Variants in CELSR3 observed in about 807,000 individuals in gnomAD.
The protein encoded by CELSR3 is EGF-like protein 1.
A neutral mutation model predicts 270.0 loss-of-function variants in CELSR3; 73 were observed. The ratio of observed to expected loss-of-function variants is 0.27; its 90% CI spans 0.22 to 0.33. The LOEUF (loss-of-function observed/expected upper bound fraction) is 0.33. Among genes scored for constraint, CELSR3 ranks in the 10% least tolerant of loss-of-function variants. CELSR3 has a pLI of 1.00. For missense variants in CELSR3, 3,614 were observed against 4,533.8 expected (o/e 0.80, Z 5.83); for synonymous variants, 1,780 against 1,905.4 (o/e 0.93, Z 1.71).
Position 48,651,815 on chromosome 3 carries a change from C to T in CELSR3, c.5923+62G>A. ...CCCTGCCTCCTTCAGGTTCCCCAGT[C>T]TTCATCATGGGCCCCTAACGCCTGC... On this transcript the variant is annotated intron_variant, in intron 12 of 34. Coordinates refer to ENST00000164024, the MANE Select transcript of CELSR3 (RefSeq NM_001407.3). This position sits in a 1 kb window ranked among gnomAD's most constrained non-coding sequence, Gnocchi z 7.4. 1 of 1,551,802 alleles carries T rather than the reference C, an allele frequency of 6.4e-7. No homozygotes were observed. The highest frequency in any genetic ancestry group is 2.3e-5 in the East Asian group (1 of 44,414).
rs2047148617 is a variant in CELSR3 at position 48,652,764 on chromosome 3, C to T, written c.5635-211G>A. 6.6e-6 allele frequency among the ~76,000 whole-genome samples: 1 copy of T among 152,212 alleles called. No homozygotes were observed. Among genetic ancestry groups the T allele is most frequent in the Admixed American group, 6.5e-5 (1 of 15,280 alleles). ...GGGCTTCTAGGAATCAGGCAAAGTG[C>T]TGGCTACAGAGGTTCCCCAAGACCA... On this transcript the variant is annotated intron_variant, in intron 10 of 34. Coordinates refer to ENST00000164024, the MANE Select transcript of CELSR3 (RefSeq NM_001407.3). The surrounding 1 kb of genome is among the most constrained non-coding windows in gnomAD (Gnocchi z 4.3).
Position 48,659,394 on chromosome 3 carries a change from T to G in CELSR3, c.3241A>C (p.Ile1081Leu). 6.2e-7 allele frequency: 1 copy of G among 1,614,138 alleles called. No homozygotes were observed. Among genetic ancestry groups the G allele is most frequent in the Non-Finnish European group, 8.5e-7 (1 of 1,180,028 alleles). Residue 1081 changes from isoleucine (I) to leucine (L), a missense_variant, in exon 1 of 35, where the codon ATT (isoleucine) becomes CTT (leucine). By Grantham distance (5) the Ile-to-Leu change is conservative (BLOSUM62 2). Around this residue, in one of 7 missense-constraint regions of CELSR3, gnomAD observed 1,331 missense variants for 1,933.7 expected, o/e 0.69. Transcript: ENST00000164024. The surrounding 1 kb of genome is among the most constrained non-coding windows in gnomAD (Gnocchi z 8.1). ...ATCTGGGCCACCACTGAGCCCACAA[T>G]GCTATTCTCTTTCACCCGCACCTCA... ...EFEVRVKENS[I>L]VGSVVAQITA...
chr3:48,644,082 G>T lies in CELSR3; in HGVS notation c.8165+134C>A. 1 of 698,734 alleles carries T rather than the reference G, an allele frequency of 1.4e-6. No homozygotes were observed. 43.3% of individuals were successfully genotyped at this position (698,734 alleles called of 1,614,324 possible). ...GCGCCAGAGAGGGACCACAGGTCAG[G>T]GCAGGTGTGACTTCATTCCTTCATC... On this transcript the variant is annotated intron_variant, in intron 27 of 34. Coordinates refer to ENST00000164024, the MANE Select transcript of CELSR3 (RefSeq NM_001407.3). This position sits in a 1 kb window ranked among gnomAD's most constrained non-coding sequence, Gnocchi z 4.8.
At position 48,646,900 on chromosome 3, in the gene CELSR3, G is replaced by C. The variant is rs767283633; in HGVS notation, c.7158C>G (p.Asn2386Lys). The C allele has an allele frequency of 6.4e-7, 1 of 1,564,202 alleles. No homozygotes were observed. The highest frequency in any genetic ancestry group is 8.6e-7 in the Non-Finnish European group (1 of 1,160,446). Residue 2386 changes from asparagine to lysine, a missense_variant, in exon 21 of 35, where the codon AAC becomes AAG. This residue lies in a region of CELSR3 where 1,240 missense variants were observed against 1,351.7 expected (regional missense o/e 0.92). Coordinates refer to ENST00000164024, the MANE Select transcript of CELSR3 (RefSeq NM_001407.3). This position sits in a 1 kb window ranked among gnomAD's most constrained non-coding sequence, Gnocchi z 4.8. ...EVLPTSSSIE[N>K]STTSSVVPPP... ...GGGGGACCACACTTGAGGTGGTGGA[G>C]TTTTCTATGCTGCTGCTTGTGGGCA...
rs373619977 is a variant in CELSR3, at chr3:48,646,040, G to T, written c.7463+50C>A. 6.3e-7 allele frequency: 1 copy of T among 1,599,824 alleles called. No individual in the cohort carries two copies. Among genetic ancestry groups the T allele is most frequent in the East Asian group, 2.2e-5 (1 of 44,600 alleles). On this transcript the variant is annotated intron_variant, in intron 22 of 34. Transcript: ENST00000164024. The surrounding 1 kb of genome is among the most constrained non-coding windows in gnomAD (Gnocchi z 4.8). The stretch of plus-strand genomic sequence containing the variant: ...AGGGGAAGGCTGGGACTATTAGTTG[G>T]CCTCCCAAGGGCTAACGGGACCAAG...
Position 48,652,691 on chromosome 3 carries a change from G to C in CELSR3, c.5635-138C>G, listed in dbSNP as rs1204994980. 1 of 664,306 alleles carries C rather than the reference G, an allele frequency of 1.5e-6. No homozygotes were observed. Among genetic ancestry groups the C allele is most frequent in the African/African-American group, 1.8e-5 (1 of 54,952 alleles). The allele number at this position is 664,306 out of a possible 1,614,324, so 41.2% of individuals were successfully genotyped here. On this transcript the variant is annotated intron_variant, in intron 10 of 34. Coordinates refer to ENST00000164024, the MANE Select transcript of CELSR3 (RefSeq NM_001407.3). The surrounding 1 kb of genome is among the most constrained non-coding windows in gnomAD (Gnocchi z 4.3). ...TGGACCCACAGTAGACCTTAATATT[G>C]CTTGATTTTGACCGGGGGTGGGTAG...
chr3:48,641,257 C>G lies in CELSR3; in HGVS notation c.9025+67G>C. ...CAGTTTGGGATGAGGAAGCTGCAAT[C>G]CCTTGGCTCAGGGCATGAGCAGCCC... On this transcript the variant is annotated intron_variant, in intron 33 of 34. Coordinates refer to ENST00000164024, the MANE Select transcript of CELSR3 (RefSeq NM_001407.3). This position sits in a 1 kb window ranked among gnomAD's most constrained non-coding sequence, Gnocchi z 4.8. 4 of 1,064,252 alleles carry G rather than the reference C, an allele frequency of 3.8e-6. No individual in the cohort carries two copies. Among genetic ancestry groups the G allele is most frequent in the Non-Finnish European group, 5.8e-6 (4 of 693,724 alleles). The allele number at this position is 1,064,252 out of a possible 1,614,324, so 65.9% of individuals were successfully genotyped here.
Position 48,648,735 on chromosome 3 carries a change from T to C in CELSR3, c.6761A>G (p.Asp2254Gly). 6.2e-7 allele frequency: 1 copy of C among 1,611,964 alleles called. No homozygotes were observed. The highest frequency in any genetic ancestry group is 8.5e-7 in the Non-Finnish European group (1 of 1,179,916). ...QQGFGLTATQ[D>G]AHFNENLLWA... The stretch of plus-strand genomic sequence containing the variant: ...CAGCCCCACCTCATTGAAGTGGGCA[T>C]CCTGTGTGGCTGTCAGCCCGAAGCC... The change falls in exon 18 of 35, where the codon GAT becomes GGT. Residue 2254 changes from aspartate (D) to glycine (G), a missense_variant. By Grantham distance (94) the Asp-to-Gly change is moderately conservative. Around this residue, in one of 7 missense-constraint regions of CELSR3, gnomAD observed 1,331 missense variants for 1,933.7 expected, o/e 0.69. Transcript: ENST00000164024.
At position 48,654,104 on chromosome 3, in the gene CELSR3, C is replaced by T; in HGVS notation, c.5153-101G>A. 14 of 1,534,230 alleles carry T rather than the reference C, an allele frequency of 9.1e-6. No homozygotes were observed. Among genetic ancestry groups the T allele is most frequent in the Non-Finnish European group, 1.2e-5 (14 of 1,132,328 alleles). The stretch of plus-strand genomic sequence containing the variant: ...CAGAGGGGCTGAAAGAGACCAAGAT[C>T]TCAGCCCCATTTCCCATTTTCTTTC... On this transcript the variant is annotated intron_variant, in intron 7 of 34. Coordinates refer to ENST00000164024, the MANE Select transcript of CELSR3 (RefSeq NM_001407.3). The surrounding 1 kb of genome is among the most constrained non-coding windows in gnomAD (Gnocchi z 5.4).
In CELSR3 at chr3:48,662,562, AGAG is replaced by A. The variant is rs1304592734; in HGVS notation, c.70_72del (p.Leu24del). 45 of 1,577,788 alleles carry A rather than the reference AGAG, an allele frequency of 2.9e-5. No individual in the cohort carries two copies. Among genetic ancestry groups the A allele is most frequent in the Non-Finnish European group, 3.5e-5 (41 of 1,162,316 alleles). ...TCCTCCTGGCTGAGGGGGAACAAAG[AGAG>A]GAGAAGGAGCAGGAGTATGGGGGTC... On this transcript the variant is annotated inframe_deletion, in exon 1 of 35. Transcript: ENST00000164024. The surrounding 1 kb of genome is among the most constrained non-coding windows in gnomAD (Gnocchi z 7.1).
intron 19 of CELSR3, 86 bp downstream of exon 19, chr3:48,648,180 T>G: frequency 6.8e-7 from 1 of 1,477,466 alleles, no homozygotes; most frequent in Non-Finnish European, 9.2e-7. Flanking sequence ...ACATTGGCAT[T>G]GATAGCCACA....
At chr3:48,647,728 G>A (rs1294287780) in intron 20 of CELSR3, 113 bp downstream of exon 20, 5 of 1,010,838 alleles carry the variant, frequency 4.9e-6, no homozygotes, top group Non-Finnish European at 7.4e-6. Flanking sequence ...ATGTGGGAGG[G>A]TCTGACACTG....
In CELSR3 at chr3:48,644,584, G is replaced by T; in HGVS notation, c.8085+132C>A. 1 of 736,920 alleles carries T rather than the reference G, an allele frequency of 1.4e-6. No individual in the cohort carries two copies. Among genetic ancestry groups the T allele is most frequent in the Non-Finnish European group, 2.3e-6 (1 of 436,230 alleles). The allele number at this position is 736,920 out of a possible 1,614,324, so 45.6% of individuals were successfully genotyped here. On this transcript the variant is annotated intron_variant, in intron 26 of 34. Transcript: ENST00000164024. The surrounding 1 kb of genome is among the most constrained non-coding windows in gnomAD (Gnocchi z 4.8). ...GAATGGGGGTGGCTACTGACCAGAG[G>T]ACAGAAAAAATGAAGGCCGAGCCCA...
In CELSR3 at chr3:48,638,407, C is replaced by T. The variant is rs369088190; in HGVS notation, c.9912-175G>A. On this transcript the variant is annotated intron_variant, in intron 34 of 34. Transcript: ENST00000164024. Reference sequence around the variant, plus strand: ...AGGGTTCTCAGAGTCCTCCATTCCGCGCCCCTAGACTCAGCCAGGCTCCTT... The same window carrying T: ...AGGGTTCTCAGAGTCCTCCATTCCGTGCCCCTAGACTCAGCCAGGCTCCTT... Among the ~76,000 whole-genome samples the T allele has an allele frequency of 4.3e-4, 66 of 152,248 alleles. No individual in the cohort carries two copies. The South Asian group carries it at 9.7e-3, about 22-fold the overall frequency.
Position 48,657,017 on chromosome 3 carries a change from C to A in CELSR3, c.4080G>T (p.Arg1360=), listed in dbSNP as rs372407892. Residue 1360 remains arginine, a synonymous_variant, in exon 2 of 35, where the codon CGG becomes CGT. Coordinates refer to ENST00000164024, the MANE Select transcript of CELSR3 (RefSeq NM_001407.3). The surrounding 1 kb of genome is among the most constrained non-coding windows in gnomAD (Gnocchi z 5.4). ...EELQEQLYVR[R]AALAARSLLD... Reference sequence around the variant, plus strand: ...GCAGGGAGCGAGCCGCCAGCGCCGCCCGGCGCACGTACAACTGCTCCTGCA... The same window carrying A: ...GCAGGGAGCGAGCCGCCAGCGCCGCACGGCGCACGTACAACTGCTCCTGCA... 22 of 1,613,334 alleles carry A rather than the reference C, an allele frequency of 1.4e-5. No individual in the cohort carries two copies. The highest frequency in any genetic ancestry group is 1.8e-5 in the Non-Finnish European group (21 of 1,179,756).
chr3:48,660,631 G>C lies in CELSR3; in HGVS notation c.2004C>G (p.His668Gln). ...CGACTGCCTGAATGTGGATGACTGAGTGACCCAAGGGAGCATTTTCCAAGA... is the reference window on the plus strand; with the variant it reads ...CGACTGCCTGAATGTGGATGACTGACTGACCCAAGGGAGCATTTTCCAAGA... ...VSVLENAPLG[H>Q]SVIHIQAVDA... The change falls in exon 1 of 35, where the codon CAC becomes CAG. Residue 668 changes from histidine (H) to glutamine (Q), a missense_variant. Physicochemically the swap from His to Gln is conservative, Grantham distance 24. This residue lies in a region of CELSR3 where 354 missense variants were observed against 500.9 expected (regional missense o/e 0.71). Transcript: ENST00000164024. The surrounding 1 kb of genome is among the most constrained non-coding windows in gnomAD (Gnocchi z 5.5). The C allele has an allele frequency of 6.2e-7, 1 of 1,614,218 alleles. No individual in the cohort carries two copies. Among genetic ancestry groups the C allele is most frequent in the Non-Finnish European group, 8.5e-7 (1 of 1,180,038 alleles).
intron 34 of CELSR3, 25 bp from the exon 35 acceptor site, chr3:48,638,257 G>T: frequency 6.2e-7 from 1 of 1,604,512 alleles, no homozygotes; most frequent in Non-Finnish European, 8.5e-7. Context: ...GGAAATCAGA[G>T]GTTGATGCCC....
intron 16 of CELSR3, among the ~76,000 whole-genome samples, chr3:48,649,854 G>T (rs2047121708): frequency 6.6e-6 from 1 of 152,140 alleles, no homozygotes; most frequent in Non-Finnish European, 1.5e-5. Context: ...CAGGCACAGA[G>T]ATACACACGT....
At position 48,657,463 on chromosome 3, in the gene CELSR3, G is replaced by A; in HGVS notation, c.3749-115C>T. The stretch of plus-strand genomic sequence containing the variant: ...GGCCCCCAGAACCTCTAAGTCAGCA[G>A]GCTGACCCCACCAGGACACAAGGGA... On this transcript the variant is annotated intron_variant, in intron 1 of 34. Transcript: ENST00000164024. This position sits in a 1 kb window ranked among gnomAD's most constrained non-coding sequence, Gnocchi z 5.4. 1 of 1,114,408 alleles carries A rather than the reference G, an allele frequency of 9.0e-7. No homozygotes were observed. Among genetic ancestry groups the A allele is most frequent in the Non-Finnish European group, 1.2e-6 (1 of 806,948 alleles). 69.0% of individuals were successfully genotyped at this position (1,114,408 alleles called of 1,614,324 possible).
Sources: allele counts gnomAD v4.1 joint callset (sites outside exome capture counted in the v4.1 genomes callset), GRCh38; gene constraint gnomAD v4.1.1; regional missense constraint gnomAD v4.1.1; non-coding constraint Gnocchi (gnomAD v3.1); transcripts MANE v1.5; gene names NCBI Gene and HGNC (gene_info 2026-07-23, HGNC 2026-07-21).